The following HMGB1 variants were observed in gnomAD, a reference collection of about 807,000 sequenced individuals.
HMGB1 encodes the protein high mobility group protein B1.
For synonymous variants in HMGB1, 81 were observed against 84.0 expected (o/e 0.96, Z 0.19); for missense variants, 79 against 253.5 (o/e 0.31, Z 4.67).
At chr13:30,488,208 C>T (rs1006899048) in intron 1 of HMGB1, among the ~76,000 whole-genome samples, 2 of 152,088 alleles carry the variant, frequency 1.3e-5, no homozygotes, top group Admixed American at 1.3e-4. Flanking sequence ...TACTAAATAG[C>T]GTGTAAAACA....
intron 1 of HMGB1, among the ~76,000 whole-genome samples, chr13:30,602,635 C>T (rs1950414243): frequency 6.6e-6 from 1 of 152,116 alleles, no homozygotes; most frequent in Admixed American, 6.6e-5. Flanking sequence ...AGTAGCATAG[C>T]CAGCTGGCTT....
At chr13:30,488,416 C>T (rs542895788) in intron 1 of HMGB1, among the ~76,000 whole-genome samples, 89 of 152,172 alleles carry the variant, frequency 5.8e-4, no homozygotes, top group African/African-American at 2.0e-3. Context: ...AAATTTTAGA[C>T]CCAAAAGATT....
intron 1 of HMGB1, among the ~76,000 whole-genome samples, chr13:30,567,583 C>T (rs1190748871): frequency 2.0e-5 from 3 of 152,142 alleles, no homozygotes; most frequent in African/African-American, 7.2e-5. Flanking sequence ...AACTCCTGAC[C>T]TCGTGATCCG....
At chr13:30,546,330 G>A (rs1409376583) in intron 1 of HMGB1, among the ~76,000 whole-genome samples, 1 of 152,152 alleles carries the variant, frequency 6.6e-6, no homozygotes, top group Non-Finnish European at 1.5e-5. Flanking sequence ...TGGCCAGGAT[G>A]GTGTTGGTCT....
intron 1 of HMGB1, among the ~76,000 whole-genome samples, chr13:30,529,331 C>G (rs1481790225): frequency 6.6e-6 from 1 of 152,190 alleles, no homozygotes; most frequent in East Asian, 1.9e-4. Flanking sequence ...TTGGAACAAA[C>G]TTTATCATTG....
intron 1 of HMGB1, chr13:30,540,267 C>A: frequency 1.1e-5 from 2 of 174,548 alleles, no homozygotes; most frequent in Non-Finnish European, 1.3e-5. Context: ...CCTCTTTTCT[C>A]TGACACTCTC....
At chr13:30,489,011 A>C (rs1887427320) in intron 1 of HMGB1, among the ~76,000 whole-genome samples, 1 of 152,212 alleles carries the variant, frequency 6.6e-6, no homozygotes, top group South Asian at 2.1e-4. Flanking sequence ...CAGCACAGCA[A>C]GCATTCAGAA....
intron 1 of HMGB1, among the ~76,000 whole-genome samples, chr13:30,545,991 C>G (rs1042137778): frequency 2.6e-5 from 4 of 152,178 alleles, no homozygotes; most frequent in Non-Finnish European, 4.4e-5. Flanking sequence ...TATGAGCCAC[C>G]ACGTGCAGCC....
intron 1 of HMGB1, among the ~76,000 whole-genome samples, chr13:30,507,125 C>T (rs974147881): frequency 1.3e-5 from 2 of 152,206 alleles, no homozygotes; most frequent in African/African-American, 4.8e-5. Context: ...GCTCCATCTT[C>T]TGTCACTCAC....
intron 1 of HMGB1, among the ~76,000 whole-genome samples, chr13:30,496,278 C>T (rs1210746797): frequency 6.6e-6 from 1 of 152,182 alleles, no homozygotes; most frequent in Non-Finnish European, 1.5e-5. Flanking sequence ...CATCTGCACA[C>T]CAGTCCTCCC....
At chr13:30,569,254 A>C (rs9579606) in intron 1 of HMGB1, among the ~76,000 whole-genome samples, 1 of 152,062 alleles carries the variant, frequency 6.6e-6, no homozygotes, top group Admixed American at 6.6e-5. Flanking sequence ...GTACCTATGA[A>C]TTATATGATT....
intron 1 of HMGB1, among the ~76,000 whole-genome samples, chr13:30,544,645 G>C (rs1869062317): frequency 1.3e-5 from 2 of 152,132 alleles, no homozygotes; most frequent in African/African-American, 4.8e-5. Context: ...CCCACACCTG[G>C]CCCTATGCAT....
At chr13:30,578,249 T>C (rs905221122) in intron 1 of HMGB1, among the ~76,000 whole-genome samples, 3 of 151,840 alleles carry the variant, frequency 2.0e-5, no homozygotes, top group Non-Finnish European at 2.9e-5. Context: ...GCTCCTTTCA[T>C]ACCTTTTGCA....
At chr13:30,564,295 A>T (rs76953252) in intron 1 of HMGB1, among the ~76,000 whole-genome samples, 1 of 151,758 alleles carries the variant, frequency 6.6e-6, no homozygotes, top group African/African-American at 2.4e-5. Flanking sequence ...AAAAAAAAAA[A>T]AAAAAATTTA....
intron 1 of HMGB1, among the ~76,000 whole-genome samples, chr13:30,530,307 A>G (rs1888466255): frequency 6.6e-6 from 1 of 152,190 alleles, no homozygotes. Flanking sequence ...TGCCCACGAT[A>G]TCTCATTATG....
At chr13:30,585,692 T>C (rs889738596) in intron 1 of HMGB1, among the ~76,000 whole-genome samples, 5 of 151,946 alleles carry the variant, frequency 3.3e-5, no homozygotes, top group African/African-American at 1.2e-4. Context: ...AAGTATATAG[T>C]TGATTCTGCA....
At chr13:30,605,488 G>A (rs1950448748) in intron 1 of HMGB1, among the ~76,000 whole-genome samples, 3 of 152,232 alleles carry the variant, frequency 2.0e-5, no homozygotes, top group Admixed American at 2.0e-4. Context: ...ATACTCATTT[G>A]ATCGACTGCA....
chr13:30,531,845 C>T (rs990200520), intron 1 of HMGB1, among the ~76,000 whole-genome samples: 11 of 147,144 alleles, frequency 7.5e-5, no homozygotes, highest in Admixed American at 3.4e-4. Flanking sequence ...TGCAGTGAGC[C>T]GAGATCTCAC....
intron 1 of HMGB1, among the ~76,000 whole-genome samples, chr13:30,513,374 C>T (rs145768995): frequency 1.3e-5 from 2 of 152,274 alleles, no homozygotes; most frequent in African/African-American, 2.4e-5. Flanking sequence ...GAAGTCACCC[C>T]ATGTGAATGC....
Sources: allele counts gnomAD v4.1 joint callset (sites outside exome capture counted in the v4.1 genomes callset), GRCh38; gene constraint gnomAD v4.1.1; transcripts MANE v1.5; gene names NCBI Gene and HGNC (gene_info 2026-07-23, HGNC 2026-07-21).